The following DLGAP2 variants were observed in gnomAD, a reference collection of about 807,000 sequenced individuals.
DLGAP2 encodes the protein DLG associated protein 2, also known as disks large-associated protein 2.
DLGAP2 carries 26 observed loss-of-function variants against 100.3 expected under a neutral mutation model. The observed-to-expected ratio is 0.26, with a 90% CI of 0.19 to 0.36. The LOEUF is 0.36. Among genes scored for constraint, DLGAP2 ranks in the 10% least tolerant of loss-of-function variants. DLGAP2 has a pLI of 1.00. For missense variants in DLGAP2, 1,858 were observed against 1,453.2 expected (o/e 1.28, Z -4.53); for synonymous variants, 886 against 630.1 (o/e 1.41, Z -6.08).
chr8:1,011,703 G>A (rs570922552), intron 2 of DLGAP2, among the ~76,000 whole-genome samples: 1 of 151,384 alleles, frequency 6.6e-6, no homozygotes, highest in South Asian at 2.1e-4. Flanking sequence ...CCTGGAATGA[G>A]GAGTCTCAGT....
chr8:1,603,985 C>A (rs933849933), intron 6 of DLGAP2, among the ~76,000 whole-genome samples: 1 of 152,144 alleles, frequency 6.6e-6, no homozygotes, highest in African/African-American at 2.4e-5. Context: ...CCAGCCACCG[C>A]GTCGGCACCT....
At chr8:1,572,169 G>A (rs1802737911) in intron 6 of DLGAP2, among the ~76,000 whole-genome samples, 1 of 125,154 alleles carries the variant, frequency 8.0e-6, no homozygotes, top group Non-Finnish European at 1.7e-5. Context: ...GGTGAACTGT[G>A]GGGGTGTCTG....
Position 1,521,964 on chromosome 8 carries a change from G to A in DLGAP2, c.172+20533G>A, listed in dbSNP as rs549406819. 2.7e-5 allele frequency among the ~76,000 whole-genome samples: 4 copies of A among 149,416 alleles called. No individual in the cohort carries two copies. The South Asian group carries it at 8.6e-4, about 32-fold the overall frequency. Reference sequence around the variant, plus strand: ...TTTTAATTTGGAATACTCGGCAGCTGATATGGGGCGTCTCTGGTTTGCACA... The same window carrying A: ...TTTTAATTTGGAATACTCGGCAGCTAATATGGGGCGTCTCTGGTTTGCACA... On this transcript the variant is annotated intron_variant, in intron 4 of 14. Transcript: ENST00000637795.
chr8:1,002,205 C>T (rs1294683754), intron 2 of DLGAP2: 3 of 152,116 alleles, frequency 2.0e-5, no homozygotes, highest in African/African-American at 7.2e-5. Context: ...TGCTCACACC[C>T]GAGACCCTTT....
chr8:1,601,773 T>C (rs1388468044), intron 6 of DLGAP2, among the ~76,000 whole-genome samples: 4 of 152,192 alleles, frequency 2.6e-5, no homozygotes, highest in African/African-American at 9.7e-5. Flanking sequence ...TCTCGTAGCT[T>C]AGGGTCTTTG....
At chr8:1,262,092 G>A (rs1799362551) in intron 3 of DLGAP2, among the ~76,000 whole-genome samples, 1 of 152,182 alleles carries the variant, frequency 6.6e-6, no homozygotes, top group African/African-American at 2.4e-5. Flanking sequence ...CTGTCTGTGA[G>A]AGCTACTTCT....
At chr8:1,618,717 C>G (rs1470149868) in intron 6 of DLGAP2, among the ~76,000 whole-genome samples, 2 of 152,172 alleles carry the variant, frequency 1.3e-5, no homozygotes, top group Non-Finnish European at 2.9e-5. Flanking sequence ...AGCCTCAGCA[C>G]TCTTGATATT....
chr8:883,789 C>A (rs1337710033), intron 1 of DLGAP2, among the ~76,000 whole-genome samples: 1 of 152,196 alleles, frequency 6.6e-6, no homozygotes, highest in Non-Finnish European at 1.5e-5. Flanking sequence ...TTTCCTCCCC[C>A]CACTCCCTAA....
chr8:1,277,771 G>A (rs1003962239), intron 3 of DLGAP2, among the ~76,000 whole-genome samples: 8 of 152,154 alleles, frequency 5.3e-5, no homozygotes, highest in Admixed American at 3.9e-4. Flanking sequence ...TGGCAGGGCC[G>A]GCTTGCTCTG....
At position 1,683,023 on chromosome 8, in the gene DLGAP2, C is replaced by G. The variant is rs1011214685; in HGVS notation, c.2704+4394C>G. The stretch of plus-strand genomic sequence containing the variant: ...TCCATAGATATTTATTGATTACTTA[C>G]GACGAAGCAAGCCACTCTCCGATAG... On this transcript the variant is annotated intron_variant, in intron 12 of 14. Coordinates refer to ENST00000637795, the MANE Select transcript of DLGAP2 (RefSeq NM_001346810.2). Among the ~76,000 whole-genome samples, 3 of 151,276 alleles carry G rather than the reference C, an allele frequency of 2.0e-5. 1 individual carries two copies. The highest frequency in any genetic ancestry group is 4.4e-5 in the Non-Finnish European group (3 of 67,664).
At chr8:782,041 A>T (rs879839643) in intron 1 of DLGAP2, among the ~76,000 whole-genome samples, 1 of 152,162 alleles carries the variant, frequency 6.6e-6, no homozygotes, top group Non-Finnish European at 1.5e-5. Context: ...ACATTAATTG[A>T]TTGTACATTT....
chr8:1,506,969 T>C (rs929271347), intron 4 of DLGAP2, among the ~76,000 whole-genome samples: 3 of 152,228 alleles, frequency 2.0e-5, no homozygotes, highest in African/African-American at 7.2e-5. Context: ...CCAGATTAGC[T>C]AGATACAGGG....
chr8:1,601,433 G>A (rs981920206), intron 6 of DLGAP2, among the ~76,000 whole-genome samples: 6 of 152,214 alleles, frequency 3.9e-5, no homozygotes, highest in Admixed American at 6.5e-5. Flanking sequence ...CTTCAGAGCC[G>A]AGAGGCAGAA....
At chr8:1,587,382 G>A (rs1318647333) in intron 6 of DLGAP2, among the ~76,000 whole-genome samples, 1 of 152,108 alleles carries the variant, frequency 6.6e-6, no homozygotes, top group African/African-American at 2.4e-5. Context: ...ACTGGCTCTT[G>A]GGTGGATTTA....
At chr8:873,645 A>C (rs535610663) in intron 1 of DLGAP2, among the ~76,000 whole-genome samples, 2 of 151,946 alleles carry the variant, frequency 1.3e-5, no homozygotes, top group East Asian at 3.9e-4. Context: ...TTTTCTTATG[A>C]TGTATTTGCC....
chr8:1,596,390 T>C (rs1262949048), intron 6 of DLGAP2, among the ~76,000 whole-genome samples: 1 of 152,254 alleles, frequency 6.6e-6, no homozygotes, highest in East Asian at 1.9e-4. Context: ...ATATACCCAG[T>C]AATGGGATTG....
intron 2 of DLGAP2, among the ~76,000 whole-genome samples, chr8:1,257,074 G>C (rs551517127): frequency 2.0e-5 from 3 of 151,966 alleles, no homozygotes; most frequent in Non-Finnish European, 4.4e-5. Context: ...GCCCGTGAAG[G>C]CAGGTGCAGT....
rs563973107 is a variant in DLGAP2, at chr8:1,391,242, G to C, written c.107-110124G>C. Among the ~76,000 whole-genome samples, 21 of 152,280 alleles carry C rather than the reference G, an allele frequency of 1.4e-4. No individual in the cohort carries two copies. The East Asian group carries it at 2.3e-3, about 17-fold the overall frequency. On this transcript the variant is annotated intron_variant, in intron 3 of 14. Coordinates refer to ENST00000637795, the MANE Select transcript of DLGAP2 (RefSeq NM_001346810.2). The stretch of plus-strand genomic sequence containing the variant: ...TGTTGAATCCAAGGCTAGACATTAC[G>C]AGCTTCCAAACTAGGCAATGGGGCA...
chr8:1,360,962 A>C (rs1437226189), intron 3 of DLGAP2, among the ~76,000 whole-genome samples: 1 of 152,210 alleles, frequency 6.6e-6, no homozygotes, highest in African/African-American at 2.4e-5. Context: ...GAGTGTCTAA[A>C]AGGGAAGTGG....
Sources: gnomAD v4.1 joint callset for allele counts (sites outside exome capture counted in the v4.1 genomes callset) on GRCh38, gnomAD v4.1.1 for gene constraint, MANE v1.5 for transcripts, NCBI Gene and HGNC (gene_info 2026-07-23, HGNC 2026-07-21) for gene names.